The following VPS13B variants were observed in gnomAD, a reference collection of about 807,000 sequenced individuals.
VPS13B encodes vacuolar protein sorting 13 homolog B.
VPS13B carries 285 observed loss-of-function variants against 426.4 expected under a neutral mutation model. The observed-to-expected ratio is 0.67, with a 90% CI of 0.61 to 0.74. The LOEUF (loss-of-function observed/expected upper bound fraction) is 0.74. Ranked by LOEUF, VPS13B falls within the 30% of genes least tolerant of loss-of-function variation. VPS13B has a pLI of 0.00. For missense variants in VPS13B, 4,537 were observed against 4,782.6 expected, an observed-to-expected ratio of 0.95 and a Z score of 1.51; for synonymous variants, 1,676 against 1,676.4, an observed-to-expected ratio of 1.00 and a Z score of 0.01.
chr8:99,797,364 A>G (rs1025179248), intron 43 of VPS13B, among the ~76,000 whole-genome samples: 3 of 152,022 alleles, frequency 2.0e-5, no homozygotes, highest in Admixed American at 1.3e-4. Context: ...CTCTGCTTCC[A>G]AAAGTGCTGG....
intron 21 of VPS13B, among the ~76,000 whole-genome samples, chr8:99,393,975 A>T (rs538440197): frequency 6.6e-6 from 1 of 152,222 alleles, no homozygotes; most frequent in East Asian, 1.9e-4. Context: ...ATTATTATTT[A>T]TATTGCATCA....
intron 17 of VPS13B, among the ~76,000 whole-genome samples, chr8:99,194,768 A>T (rs563792089): frequency 9.9e-5 from 15 of 152,256 alleles, no homozygotes; most frequent in South Asian, 4.1e-4. Flanking sequence ...TTGGACATAT[A>T]CCCAGAAGTG....
intron 25 of VPS13B, among the ~76,000 whole-genome samples, chr8:99,500,230 G>A (rs1160662148): frequency 6.6e-6 from 1 of 152,030 alleles, no homozygotes; most frequent in African/African-American, 2.4e-5. Flanking sequence ...GTTATGACTC[G>A]TTAGCACAGG....
At chr8:99,736,980 A>G (rs1262700400) in intron 39 of VPS13B, among the ~76,000 whole-genome samples, 2 of 152,102 alleles carry the variant, frequency 1.3e-5, no homozygotes, top group East Asian at 1.9e-4. Context: ...CTGAGATTCT[A>G]TCAGGCATTC....
In VPS13B at chr8:99,577,547, T is replaced by C; in HGVS notation, c.5134T>C (p.Phe1712Leu). ...GAATATAACCACAAACCTGGACTTC[T>C]TCCTAAGTGTGGCTCAAGTTCAACT... ...EVNITTNLDF[F>L]LSVAQVQLLH... Residue 1712 changes from phenylalanine to leucine, a missense_variant, in exon 33 of 62, where the codon TTC becomes CTC. This residue lies in a region of VPS13B where 4,311 missense variants were observed against 4,474.3 expected (regional missense o/e 0.96). Coordinates refer to ENST00000357162, the MANE Select transcript of VPS13B (RefSeq NM_152564.5). 1.9e-6 allele frequency: 3 copies of C among 1,613,940 alleles called. No homozygotes were observed. Among genetic ancestry groups the C allele is most frequent in the Non-Finnish European group, 2.5e-6 (3 of 1,179,814 alleles).
At chr8:99,188,493 T>G (rs1246380193) in intron 16 of VPS13B, among the ~76,000 whole-genome samples, 2 of 152,188 alleles carry the variant, frequency 1.3e-5, no homozygotes, top group Admixed American at 1.3e-4. Context: ...TACATTTGTG[T>G]TGTTCTCATT....
At chr8:99,026,574 CTA>C (rs1402738725) in intron 2 of VPS13B, among the ~76,000 whole-genome samples, 4 of 152,154 alleles carry the variant, frequency 2.6e-5, no homozygotes, top group Non-Finnish European at 5.9e-5. Flanking sequence ...GTAATGGAGT[CTA>C]TCTCTCTCTT....
Position 99,699,623 on chromosome 8 carries a change from C to T in VPS13B, c.6145C>T (p.His2049Tyr). Residue 2049 changes from histidine to tyrosine, a missense_variant, in exon 36 of 62, where the codon CAC becomes TAC. Transcript: ENST00000357162. ...NLFLKKIKNA[H>Y]SLAHSEETSA... Reference sequence around the variant, plus strand: ...TTTTTTAAAGAAGATAAAAAATGCACACAGTTTGGCACATAGTGAAGAGAC... The same window carrying T: ...TTTTTTAAAGAAGATAAAAAATGCATACAGTTTGGCACATAGTGAAGAGAC... 4 of 1,614,078 alleles carry T rather than the reference C, an allele frequency of 2.5e-6. No homozygotes were observed. Among genetic ancestry groups the T allele is most frequent in the Non-Finnish European group, 2.5e-6 (3 of 1,180,010 alleles).
chr8:99,823,705 A>G (rs1814508924), intron 50 of VPS13B, 127 bp from the exon 51 acceptor site: 1 of 1,014,924 alleles, frequency 9.9e-7, no homozygotes, highest in Non-Finnish European at 1.5e-6. Context: ...TATTCTGGGG[A>G]AAAACAAAGG....
At chr8:99,664,800 C>T (rs1830408122) in intron 35 of VPS13B, among the ~76,000 whole-genome samples, 1 of 152,146 alleles carries the variant, frequency 6.6e-6, no homozygotes, top group South Asian at 2.1e-4. Flanking sequence ...GTCTTTATAG[C>T]AGCATGATTT....
At chr8:99,699,415 T>C in intron 35 of VPS13B, 110 bp from the exon 36 acceptor site, 1 of 1,179,528 alleles carries the variant, frequency 8.5e-7, no homozygotes, top group East Asian at 2.5e-5. Flanking sequence ...TCCTAATGAG[T>C]CCATAATATG....
chr8:99,642,150 G>A lies in VPS13B; in HGVS notation c.5560G>A (p.Glu1854Lys). The A allele has an allele frequency of 6.2e-7, 1 of 1,614,098 alleles. No homozygotes were observed. The highest frequency in any genetic ancestry group is 8.5e-7 in the Non-Finnish European group (1 of 1,180,008). The part of the protein sequence containing the change: ...KTDKSSLNLP[E>K]VDSDVAKPNQ... Reference sequence around the variant, plus strand: ...AGACAAGAGTTCATTAAATCTCCCAGAAGTTGATTCAGATGTTGCTAAGCC... The same window carrying A: ...AGACAAGAGTTCATTAAATCTCCCAAAAGTTGATTCAGATGTTGCTAAGCC... Residue 1854 changes from glutamate to lysine, a missense_variant, in exon 34 of 62, where the codon GAA becomes AAA. Transcript: ENST00000357162.
chr8:99,664,384 G>A (rs998778911), intron 35 of VPS13B, among the ~76,000 whole-genome samples: 2 of 151,056 alleles, frequency 1.3e-5, no homozygotes, highest in Non-Finnish European at 2.9e-5. Flanking sequence ...TGTTACATAT[G>A]TATACATGTG....
At chr8:99,690,231 C>T (rs967379230) in intron 35 of VPS13B, among the ~76,000 whole-genome samples, 1 of 152,112 alleles carries the variant, frequency 6.6e-6, no homozygotes, top group Non-Finnish European at 1.5e-5. Context: ...ATGTTGCTGA[C>T]ATAACTAGAT....
At chr8:99,119,928 C>T (rs1279833017) in intron 7 of VPS13B, among the ~76,000 whole-genome samples, 1 of 151,606 alleles carries the variant, frequency 6.6e-6, no homozygotes, top group African/African-American at 2.4e-5. Flanking sequence ...GCTCTGTCAC[C>T]CAGGCTGCAG....
chr8:99,083,217 G>A lies in VPS13B; in HGVS notation c.292-13095G>A, dbSNP rs182683493. ...GGATTCCTAGGTATTTTATTCCTTTGAAGCAATTGTGAATGGGAGTTCACT... is the reference window on the plus strand; with the variant it reads ...GGATTCCTAGGTATTTTATTCCTTTAAAGCAATTGTGAATGGGAGTTCACT... On this transcript the variant is annotated intron_variant, in intron 3 of 61. Coordinates refer to ENST00000357162, the MANE Select transcript of VPS13B (RefSeq NM_152564.5). Among the ~76,000 whole-genome samples the A allele has an allele frequency of 1.1e-3, 170 of 152,226 alleles. 2 individuals carry two copies. Among genetic ancestry groups the A allele is most frequent in the African/African-American group, 3.6e-3 (150 of 41,542 alleles).
At chr8:99,873,309 C>T (rs117821861) in intron 61 of VPS13B, 4,265 of 152,208 alleles carry the variant, frequency 0.028, 81 homozygotes, top group Non-Finnish European at 0.042. Flanking sequence ...AGGAAACAGA[C>T]CTCAGTTTCC....
chr8:99,820,121 A>G lies in VPS13B; in HGVS notation c.8993A>G (p.Gln2998Arg). ...AAAATTATTATTCCTCCTAATTTTC[A>G]GGTACTATAACTTTTTTAACTAATA... ...AGKIIIPPNF[Q>R]EAFQIGIYWA... Residue 2998 changes from glutamine (Q) to arginine (R), a missense_variant and splice_region_variant, in exon 49 of 62, where the codon CAG (glutamine) becomes CGG (arginine). Physicochemically the swap from Gln to Arg is conservative, Grantham distance 43. Coordinates refer to ENST00000357162, the MANE Select transcript of VPS13B (RefSeq NM_152564.5). 1 of 1,613,500 alleles carries G rather than the reference A, an allele frequency of 6.2e-7. No homozygotes were observed. The highest frequency in any genetic ancestry group is 8.5e-7 in the Non-Finnish European group (1 of 1,179,584).
chr8:99,542,906 A>C (rs573512765), intron 30 of VPS13B, among the ~76,000 whole-genome samples: 1 of 152,348 alleles, frequency 6.6e-6, no homozygotes, highest in South Asian at 2.1e-4. Flanking sequence ...GTAAGTATTC[A>C]GTGCCATCCC....
Sources: allele counts gnomAD v4.1 joint callset (sites outside exome capture counted in the v4.1 genomes callset), GRCh38; gene constraint gnomAD v4.1.1; regional missense constraint gnomAD v4.1.1; transcripts MANE v1.5; gene names NCBI Gene and HGNC (gene_info 2026-07-23, HGNC 2026-07-21).